Variants in EPB41L3 observed in about 807,000 individuals in gnomAD.
EPB41L3 encodes the protein band 4.1-like protein 3.
Under a neutral mutation model 127.1 loss-of-function variants are expected in EPB41L3, and 57 were observed. The observed-to-expected ratio is 0.45, with a 90% CI of 0.36 to 0.56. The LOEUF (loss-of-function observed/expected upper bound fraction) is 0.56. EPB41L3 is among the 20% of genes least tolerant of loss of function. The probability of loss-of-function intolerance (pLI) is 0.00; values close to 1 mark genes in which losing one functional copy is unlikely to be tolerated. For synonymous variants in EPB41L3, 572 were observed against 549.5 expected, an observed-to-expected ratio of 1.04 and a Z score of -0.57; for missense variants, 1,273 against 1,372.2, an observed-to-expected ratio of 0.93 and a Z score of 1.14.
intron 1 of EPB41L3, among the ~76,000 whole-genome samples, chr18:5,507,268 TA>T (rs2092270175): frequency 6.6e-6 from 1 of 152,136 alleles, no homozygotes; most frequent in South Asian, 2.1e-4. Flanking sequence ...AATCGATATT[TA>T]AAACACGGAT....
intron 3 of EPB41L3, among the ~76,000 whole-genome samples, chr18:5,563,289 G>A (rs1055250233): frequency 1.3e-5 from 2 of 152,298 alleles, no homozygotes; most frequent in South Asian, 4.1e-4. Flanking sequence ...GTGGGCAATG[G>A]ATTGTAGTCA....
chr18:5,425,434 G>C (rs189911903), intron 9 of EPB41L3, among the ~76,000 whole-genome samples: 6 of 152,196 alleles, frequency 3.9e-5, no homozygotes, highest in Middle Eastern at 6.8e-3. Context: ...TGTGGCTTGT[G>C]ACTAAATCAT....
chr18:5,589,118 TAA>T (rs935755391), intron 3 of EPB41L3, among the ~76,000 whole-genome samples: 4 of 152,114 alleles, frequency 2.6e-5, no homozygotes, highest in Non-Finnish European at 4.4e-5. Flanking sequence ...ACTAAAGACA[TAA>T]AAAGAGTTTA....
Position 5,444,334 on chromosome 18 carries a change from TGTG to T in EPB41L3, c.487-457_487-455del, listed in dbSNP as rs2081190395. 2.6e-5 allele frequency among the ~76,000 whole-genome samples: 4 copies of T among 152,342 alleles called. No homozygotes were observed. The South Asian group carries it at 8.3e-4, about 32-fold the overall frequency. ...CTTCCCTAACAAATCAATAGTTGCC[TGTG>T]ATTTCCGATTTTCCTCATTGGTAAA... is the stretch of plus-strand genomic sequence containing the variant. On this transcript the variant is annotated intron_variant, in intron 4 of 22. Transcript: ENST00000341928.
chr18:5,541,252 CAAAAAAAAAAAAAA>C (rs370717420), intron 1 of EPB41L3, among the ~76,000 whole-genome samples: 2 of 46,766 alleles, frequency 4.3e-5, no homozygotes, highest in East Asian at 7.5e-4. Context: ...GACTCCATCT[CAAAAAAAAAAAAAA>C]AAAAAAAAAA....
In EPB41L3 at chr18:5,570,642, G is replaced by A. The variant is rs576396122; in HGVS notation, c.-306+41698C>T. Reference sequence around the variant, plus strand: ...TTATACTTTAAGTTCTAGGGTACATGTGCACAACGTGCAGGTTTGTTACAT... The same window carrying A: ...TTATACTTTAAGTTCTAGGGTACATATGCACAACGTGCAGGTTTGTTACAT... On this transcript the variant is annotated intron_variant, in intron 3 of 21. Coordinates refer to the EPB41L3 transcript ENST00000545076. Among the ~76,000 whole-genome samples, 419 of 151,868 alleles carry A rather than the reference G, an allele frequency of 2.8e-3. 2 individuals carry two copies. The highest frequency in any genetic ancestry group is 9.6e-3 in the African/African-American group (399 of 41,430).
chr18:5,489,108 G>T lies in EPB41L3; in HGVS notation c.76C>A (p.Gln26Lys). 4.4e-6 allele frequency: 7 copies of T among 1,596,348 alleles called. No individual in the cohort carries two copies. Among genetic ancestry groups the T allele is most frequent in the Non-Finnish European group, 6.0e-6 (7 of 1,175,246 alleles). The stretch of plus-strand genomic sequence containing the variant: ...GGCACGGGCGCCCCCGCGCGCCCCT[G>T]CGCCCCCGCCGCCTCCTGGGGCTCG... Reference protein sequence around the residue: ...EAEPQEAAGAQGRAGAPVPEP... With the variant: ...EAEPQEAAGAKGRAGAPVPEP... Residue 26 changes from glutamine (Q) to lysine (K), a missense_variant, in exon 2 of 23, where the codon CAG becomes AAG. Transcript: ENST00000341928.
chr18:5,565,931 C>T (rs2094193160), intron 3 of EPB41L3, among the ~76,000 whole-genome samples: 1 of 151,992 alleles, frequency 6.6e-6, no homozygotes, highest in Admixed American at 6.5e-5. Flanking sequence ...ATGCTAAAAA[C>T]TCTCAATAAA....
In EPB41L3 at chr18:5,566,723, C is replaced by CATTCTATTCTATTCTATTCTATTCT. The variant is rs57567803; in HGVS notation, c.-306+45592_-306+45616dup. On this transcript the variant is annotated intron_variant, in intron 3 of 21. Transcript: ENST00000545076. ...CTGACCTTTCTTTTCTTTTCTATTC[C>CATTCTATTCTATTCTATTCTATTCT]ATTCTATTCTATTCTATTCTATTCT... is the stretch of plus-strand genomic sequence containing the variant. Among the ~76,000 whole-genome samples the CATTCTATTCTATTCTATTCTATTCT allele has an allele frequency of 3.0e-3, 337 of 112,408 alleles. 5 individuals are homozygous for CATTCTATTCTATTCTATTCTATTCT. The highest frequency in any genetic ancestry group is 5.4e-3 in the East Asian group (19 of 3,530). The allele number at this position is 112,408 out of a possible 152,430, so 73.7% of individuals were successfully genotyped here.
At chr18:5,485,936 T>C (rs888759405) in intron 2 of EPB41L3, among the ~76,000 whole-genome samples, 6 of 149,432 alleles carry the variant, frequency 4.0e-5, no homozygotes, top group Middle Eastern at 3.4e-3. Context: ...AAATTCAATG[T>C]AAATTGAATG....
At chr18:5,527,598 C>G (rs551643528) in intron 1 of EPB41L3, among the ~76,000 whole-genome samples, 2 of 152,008 alleles carry the variant, frequency 1.3e-5, no homozygotes, top group African/African-American at 4.8e-5. Flanking sequence ...GGGAGAAACA[C>G]GAAAACATAA....
At chr18:5,496,172 A>G (rs184649517) in intron 1 of EPB41L3, among the ~76,000 whole-genome samples, 57 of 152,386 alleles carry the variant, frequency 3.7e-4, no homozygotes, top group African/African-American at 1.3e-3. Context: ...AAGTTCAAAA[A>G]TGTTTAGATC....
intron 3 of EPB41L3, among the ~76,000 whole-genome samples, chr18:5,475,437 T>C (rs952930678): frequency 6.6e-6 from 1 of 152,194 alleles, no homozygotes; most frequent in African/African-American, 2.4e-5. Flanking sequence ...TCGCATGTGA[T>C]TGAAACACAG....
At chr18:5,396,686 CG>C (rs1217306583) in intron 18 of EPB41L3, among the ~76,000 whole-genome samples, 7 of 152,120 alleles carry the variant, frequency 4.6e-5, no homozygotes, top group African/African-American at 1.7e-4. Context: ...ATTTAGGACC[CG>C]GGTAAACATG....
chr18:5,578,935 T>C (rs974922997), intron 3 of EPB41L3, among the ~76,000 whole-genome samples: 1 of 152,174 alleles, frequency 6.6e-6, no homozygotes, highest in African/African-American at 2.4e-5. Context: ...CACATGTGCA[T>C]AGGAGTTACA....
At chr18:5,573,816 G>C (rs1206003305) in intron 3 of EPB41L3, among the ~76,000 whole-genome samples, 2 of 151,836 alleles carry the variant, frequency 1.3e-5, no homozygotes, top group Admixed American at 6.6e-5. Context: ...TTTTTAAAAA[G>C]TCAAGAATAG....
rs149316310 is a variant in EPB41L3 at position 5,474,547 on chromosome 18, G to A, written c.381+3694C>T. On this transcript the variant is annotated intron_variant, in intron 3 of 22. Transcript: ENST00000341928. ...CTCATGCTACCGTCATGGCACAGTT[G>A]AGCCTTAATGATTTTAAGTTGACGT... Among the ~76,000 whole-genome samples, 117 of 152,212 alleles carry A rather than the reference G, an allele frequency of 7.7e-4. 1 individual carries two copies. In the East Asian group the frequency reaches 0.02, roughly 25 times the overall value.
At chr18:5,394,006 ACTGGAAAGGTATGTG>A (rs1181502472) in intron 22 of EPB41L3, 1 of 154,308 alleles carries the variant, frequency 6.5e-6, no homozygotes, top group Non-Finnish European at 1.4e-5. Context: ...CCAAACAGTC[ACTGGAAAGGTATGTG>A]CTTTCTACAG....
At chr18:5,587,596 C>T (rs145012862) in intron 3 of EPB41L3, among the ~76,000 whole-genome samples, 8 of 152,038 alleles carry the variant, frequency 5.3e-5, no homozygotes, top group African/African-American at 1.7e-4. Context: ...GGAAGACTAT[C>T]CCAGGGAAGG....
Sources: gnomAD v4.1 joint callset for allele counts (sites outside exome capture counted in the v4.1 genomes callset) on GRCh38, gnomAD v4.1.1 for gene constraint, MANE v1.5 for transcripts, NCBI Gene and HGNC (gene_info 2026-07-23, HGNC 2026-07-21) for gene names.